Variants in CHN2 observed in about 807,000 individuals in gnomAD.
The protein encoded by CHN2 is chimerin 2, also known as beta-chimaerin.
CHN2 carries 35 observed loss-of-function variants against 56.3 expected under a neutral mutation model. The observed-to-expected ratio is 0.62, with a 90% confidence interval of 0.47 to 0.82. The LOEUF (loss-of-function observed/expected upper bound fraction) is 0.82. Among genes scored for constraint, CHN2 ranks in the 40% least tolerant of loss-of-function variants. The pLI, the probability that CHN2 is intolerant of heterozygous loss-of-function variation, is 0.00. For missense variants in CHN2, 491 were observed against 580.5 expected (o/e 0.85, Z 1.58); for synonymous variants, 210 against 212.8 (o/e 0.99, Z 0.12).
At chr7:29,205,843 G>A (rs1273274256) in intron 1 of CHN2, among the ~76,000 whole-genome samples, 1 of 151,958 alleles carries the variant, frequency 6.6e-6, no homozygotes, top group African/African-American at 2.4e-5. Flanking sequence ...CACATTTTAC[G>A]TAAGATGCAA....
chr7:29,438,336 T>A (rs1257809616), intron 6 of CHN2, among the ~76,000 whole-genome samples: 1 of 152,232 alleles, frequency 6.6e-6, no homozygotes, highest in Non-Finnish European at 1.5e-5. Context: ...ATCTTATTAT[T>A]TGGCAACTCA....
chr7:29,152,250 T>G (rs903094877), intron 2 of CHN2, among the ~76,000 whole-genome samples: 21 of 152,218 alleles, frequency 1.4e-4, no homozygotes, highest in African/African-American at 4.8e-4. Context: ...TTGCTTTTTA[T>G]GCGTGGCAGC....
intron 6 of CHN2, among the ~76,000 whole-genome samples, chr7:29,456,163 A>T (rs1306551009): frequency 6.6e-6 from 1 of 152,162 alleles, no homozygotes; most frequent in Non-Finnish European, 1.5e-5. Context: ...CACTTCTTTG[A>T]AGATGTTTCT....
intron 2 of CHN2, among the ~76,000 whole-genome samples, chr7:29,167,264 T>C (rs1796037382): frequency 1.3e-5 from 2 of 152,222 alleles, no homozygotes; most frequent in Admixed American, 6.5e-5. Context: ...CTTTGTCAAA[T>C]ACAATAATTC....
intron 11 of CHN2, among the ~76,000 whole-genome samples, chr7:29,507,589 C>T (rs1310475393): frequency 6.6e-6 from 1 of 152,118 alleles, no homozygotes; most frequent in African/African-American, 2.4e-5. Flanking sequence ...GTTCTGTCCA[C>T]ATTGTTCCTT....
chr7:29,194,507 T>G (rs1783359504), upstream of CHN2: 1 of 166,572 alleles, frequency 6.0e-6, no homozygotes, highest in South Asian at 2.0e-4. Context: ...CCCGGTCTAC[T>G]CGAAGTGCGG....
intron 9 of CHN2, among the ~76,000 whole-genome samples, chr7:29,502,635 T>C (rs1790092045): frequency 6.6e-6 from 1 of 152,230 alleles, no homozygotes; most frequent in Non-Finnish European, 1.5e-5. Context: ...CTCGATGTAA[T>C]ACAGGGTGAC....
At chr7:29,196,196 G>A (rs1203434554) in intron 1 of CHN2, among the ~76,000 whole-genome samples, 1 of 152,214 alleles carries the variant, frequency 6.6e-6, no homozygotes, top group African/African-American at 2.4e-5. Context: ...ATAAATGCAA[G>A]GTGAATTTGA....
intron 2 of CHN2, among the ~76,000 whole-genome samples, chr7:29,188,849 A>T (rs912794277): frequency 6.6e-6 from 1 of 151,988 alleles, no homozygotes; most frequent in Admixed American, 6.6e-5. Flanking sequence ...TTCTATAGCT[A>T]TTTTAAAAAT....
intron 1 of CHN2, among the ~76,000 whole-genome samples, chr7:29,232,251 T>C (rs1562850802): frequency 6.6e-6 from 1 of 152,120 alleles, no homozygotes; most frequent in Non-Finnish European, 1.5e-5. Context: ...GAAATGACAC[T>C]TTAAAATAAT....
intron 1 of CHN2, among the ~76,000 whole-genome samples, chr7:29,206,099 T>A (rs1255202245): frequency 6.6e-6 from 1 of 152,178 alleles, no homozygotes; most frequent in East Asian, 1.9e-4. Flanking sequence ...GGGCAGCTAT[T>A]TTTGTTTTGT....
intron 11 of CHN2, among the ~76,000 whole-genome samples, chr7:29,507,983 A>T (rs1425260485): frequency 1.3e-5 from 2 of 152,194 alleles, no homozygotes; most frequent in African/African-American, 4.8e-5. Context: ...CTAGTCAGTT[A>T]AAGTCACAAG....
intron 11 of CHN2, among the ~76,000 whole-genome samples, chr7:29,507,734 G>A (rs1790748093): frequency 6.9e-6 from 1 of 145,814 alleles, no homozygotes; most frequent in African/African-American, 2.5e-5. Context: ...GGACCACATT[G>A]GAAGAAGAAT....
intron 6 of CHN2, among the ~76,000 whole-genome samples, chr7:29,430,503 A>G (rs769812273): frequency 2.0e-4 from 30 of 152,176 alleles, no homozygotes; most frequent in Non-Finnish European, 3.5e-4. Context: ...CAGAAAATGA[A>G]AGTGAGGTGC....
At chr7:29,357,151 T>A (rs1479006978) in intron 2 of CHN2, among the ~76,000 whole-genome samples, 1 of 152,246 alleles carries the variant, frequency 6.6e-6, no homozygotes, top group Non-Finnish European at 1.5e-5. Context: ...CCTTCTGTAT[T>A]AGTTTTAAGT....
chr7:29,387,173 A>G (rs1800978123), intron 3 of CHN2, among the ~76,000 whole-genome samples: 1 of 152,242 alleles, frequency 6.6e-6, no homozygotes, highest in African/African-American at 2.4e-5. Context: ...CCTGGCACAG[A>G]GTAGCCACTC....
At chr7:29,478,137 T>C (rs78205302) in intron 6 of CHN2, among the ~76,000 whole-genome samples, 5,513 of 152,218 alleles carry the variant, frequency 0.036, 301 homozygotes, top group African/African-American at 0.12. Context: ...GGAAGTCCTT[T>C]TGGAAAGGGT....
intron 3 of CHN2, among the ~76,000 whole-genome samples, chr7:29,371,361 A>C (rs112359620): frequency 1.1e-4 from 16 of 152,304 alleles, no homozygotes; most frequent in African/African-American, 3.6e-4. Context: ...TCGTGAAATA[A>C]CAGTTCATTG....
chr7:29,471,593 T>C (rs1489212617), intron 6 of CHN2, among the ~76,000 whole-genome samples: 1 of 152,136 alleles, frequency 6.6e-6, no homozygotes, highest in Non-Finnish European at 1.5e-5. Flanking sequence ...AATTGTATTC[T>C]AGGAGGGGCA....
Sources: allele counts gnomAD v4.1 joint callset (sites outside exome capture counted in the v4.1 genomes callset), GRCh38; gene constraint gnomAD v4.1.1; transcripts MANE v1.5; gene names NCBI Gene and HGNC (gene_info 2026-07-23, HGNC 2026-07-21).